Variants in ZNF474 observed in about 807,000 individuals in gnomAD.
ZNF474 encodes the protein 4933409D10Rik.
For synonymous variants in ZNF474, 192 were observed against 162.2 expected, an observed-to-expected ratio of 1.18 and a Z score of -1.39; for missense variants, 511 against 433.8, an observed-to-expected ratio of 1.18 and a Z score of -1.58.
chr5:122,142,790 G>A (rs1028165259), intron 1 of ZNF474, among the ~76,000 whole-genome samples: 5 of 152,146 alleles, frequency 3.3e-5, no homozygotes, highest in Non-Finnish European at 5.9e-5. Flanking sequence ...GATGTGGGGA[G>A]AACAGCAACA....
chr5:122,145,023 C>T (rs1755950776), intron 1 of ZNF474, among the ~76,000 whole-genome samples: 1 of 152,166 alleles, frequency 6.6e-6, no homozygotes, highest in South Asian at 2.1e-4. Flanking sequence ...GCAGAGGGCT[C>T]TAGTTAGAAG....
intron 1 of ZNF474, among the ~76,000 whole-genome samples, chr5:122,142,233 C>T (rs1755863346): frequency 6.6e-6 from 1 of 152,136 alleles, no homozygotes; most frequent in Non-Finnish European, 1.5e-5. Context: ...AAATAGAACA[C>T]AGAAGATGGG....
rs1437446297 is a variant in ZNF474, at chr5:122,152,154, A to C, written c.164A>C (p.Lys55Thr). ...TESVNPGENI[K>T]TDTQKKRPGT... ...AGTGTTAATCCTGGTGAAAATATAA[A>C]GACAGACACTCAGAAAAAGAGACCT... is the stretch of plus-strand genomic sequence containing the variant. The change falls in exon 2 of 2, where the codon AAG becomes ACG. Residue 55 changes from lysine (K) to threonine (T), a missense_variant. Coordinates refer to ENST00000296600, the MANE Select transcript of ZNF474 (RefSeq NM_207317.3). 6.2e-7 allele frequency: 1 copy of C among 1,614,160 alleles called. No individual in the cohort carries two copies.
chr5:122,129,886 C>T (rs1755537471), intron 1 of ZNF474, among the ~76,000 whole-genome samples: 1 of 152,082 alleles, frequency 6.6e-6, no homozygotes, highest in East Asian at 1.9e-4. Context: ...ATAATTAGTT[C>T]TTAAGTGAAA....
intron 1 of ZNF474, among the ~76,000 whole-genome samples, chr5:122,149,885 C>CTGTGTGTGTGTGTGTGTGTGTG (rs35051222): frequency 9.2e-5 from 13 of 141,476 alleles, no homozygotes; most frequent in African/African-American, 3.2e-4. Flanking sequence ...AGAATTGACT[C>CTGTGTGTGTGTGTGTGTGTGTG]TGTGTGTGTG....
At chr5:122,144,521 T>C (rs1331066194) in intron 1 of ZNF474, among the ~76,000 whole-genome samples, 1 of 152,202 alleles carries the variant, frequency 6.6e-6, no homozygotes, top group African/African-American at 2.4e-5. Context: ...AAAATCCTTA[T>C]TTTATGTGAC....
chr5:122,132,318 T>C (rs574395826), intron 1 of ZNF474, among the ~76,000 whole-genome samples: 7 of 152,238 alleles, frequency 4.6e-5, no homozygotes, highest in African/African-American at 1.4e-4. Flanking sequence ...TGTGGACATA[T>C]ACTTTCATTT....
chr5:122,134,283 A>G (rs944561687), intron 1 of ZNF474, among the ~76,000 whole-genome samples: 3 of 152,240 alleles, frequency 2.0e-5, no homozygotes, highest in Non-Finnish European at 2.9e-5. Flanking sequence ...AAGGTCCCCC[A>G]AGGTGCAATG....
intron 1 of ZNF474, among the ~76,000 whole-genome samples, chr5:122,144,193 C>T (rs1029138345): frequency 9.2e-5 from 14 of 152,122 alleles, no homozygotes; most frequent in African/African-American, 3.4e-4. Context: ...AGATTCCTTC[C>T]TAAATATTCT....
intron 1 of ZNF474, among the ~76,000 whole-genome samples, chr5:122,133,830 G>A (rs1561436694): frequency 6.6e-6 from 1 of 152,194 alleles, no homozygotes; most frequent in Non-Finnish European, 1.5e-5. Flanking sequence ...AAAATGCTGA[G>A]ATTACAGGCG....
At chr5:122,130,016 A>G (rs928072275) in intron 1 of ZNF474, among the ~76,000 whole-genome samples, 2 of 152,232 alleles carry the variant, frequency 1.3e-5, no homozygotes, top group Non-Finnish European at 2.9e-5. Context: ...ATTGTATTTA[A>G]AAGAATGATT....
intron 1 of ZNF474, among the ~76,000 whole-genome samples, chr5:122,130,477 T>A (rs972408027): frequency 1.8e-4 from 28 of 152,332 alleles, no homozygotes; most frequent in Admixed American, 9.2e-4. Context: ...CTCAGCAGAA[T>A]GTTTTTTCAA....
chr5:122,135,425 A>G (rs537063942), intron 1 of ZNF474, among the ~76,000 whole-genome samples: 1 of 152,334 alleles, frequency 6.6e-6, no homozygotes, highest in African/African-American at 2.4e-5. Context: ...AGAAATGCAA[A>G]TCAAAACTAA....
chr5:122,130,103 C>G (rs1755543024), intron 1 of ZNF474, among the ~76,000 whole-genome samples: 1 of 151,500 alleles, frequency 6.6e-6, no homozygotes, highest in Admixed American at 6.6e-5. Flanking sequence ...GTTTATTAGC[C>G]AGATTATCCA....
chr5:122,147,237 T>C (rs899434650), intron 1 of ZNF474, among the ~76,000 whole-genome samples: 11 of 152,298 alleles, frequency 7.2e-5, no homozygotes, highest in African/African-American at 2.6e-4. Flanking sequence ...TCCTCTATTT[T>C]AGAATCTTGA....
chr5:122,151,915 C>T lies in ZNF474; in HGVS notation c.-76C>T. The T allele has an allele frequency of 2.0e-6, 3 of 1,519,624 alleles. No individual in the cohort carries two copies. Among genetic ancestry groups the T allele is most frequent in the Admixed American group, 4.2e-5 (2 of 47,862 alleles). The allele number at this position is 1,519,624 out of a possible 1,614,324, so 94.1% of individuals were successfully genotyped here. ...ACCCCAGGACAACTAACCTCACTAA[C>T]CTTCACTCTAAGCAGAAGCCCAAAG... is the stretch of plus-strand genomic sequence containing the variant. On this transcript the variant is annotated 5_prime_UTR_variant, in exon 2 of 2. Coordinates refer to ENST00000296600, the MANE Select transcript of ZNF474 (RefSeq NM_207317.3).
intron 1 of ZNF474, among the ~76,000 whole-genome samples, chr5:122,131,189 T>G (rs1294645505): frequency 6.6e-6 from 1 of 152,160 alleles, no homozygotes; most frequent in Non-Finnish European, 1.5e-5. Flanking sequence ...ATGGGAACCC[T>G]TATACACTGT....
intron 1 of ZNF474, among the ~76,000 whole-genome samples, chr5:122,142,598 C>T (rs986838145): frequency 1.3e-5 from 2 of 152,120 alleles, no homozygotes; most frequent in South Asian, 2.1e-4. Flanking sequence ...GTGGTTTTCT[C>T]CAGCAGTGGA....
chr5:122,148,367 A>G (rs907918812), intron 1 of ZNF474, among the ~76,000 whole-genome samples: 3 of 152,242 alleles, frequency 2.0e-5, no homozygotes, highest in African/African-American at 7.2e-5. Context: ...TAGAAAAAGA[A>G]AAGTTGAAGA....
Sources: gnomAD v4.1 joint callset for allele counts (sites outside exome capture counted in the v4.1 genomes callset) on GRCh38, gnomAD v4.1.1 for gene constraint, MANE v1.5 for transcripts, NCBI Gene and HGNC (gene_info 2026-07-23, HGNC 2026-07-21) for gene names.